PPP1R9A: variants seen among roughly 807,000 people sequenced by gnomAD.
PPP1R9A encodes neurabin-1.
In PPP1R9A, 59 loss-of-function variants were observed where a neutral mutation model predicts 141.9. The ratio of observed to expected loss-of-function variants is 0.42; its 90% CI spans 0.34 to 0.52. The LOEUF (loss-of-function observed/expected upper bound fraction) is 0.52, where lower values mean the gene tolerates loss of function less well. Among genes scored for constraint, PPP1R9A ranks in the 20% least tolerant of loss-of-function variants. The pLI, the probability that PPP1R9A is intolerant of heterozygous loss-of-function variation, is 0.10. For synonymous variants in PPP1R9A, 500 were observed against 569.7 expected (o/e 0.88, Z 1.74); for missense variants, 1,444 against 1,611.9 (o/e 0.90, Z 1.78).
At chr7:95,001,566 G>A (rs1269400717) in intron 2 of PPP1R9A, among the ~76,000 whole-genome samples, 1 of 152,168 alleles carries the variant, frequency 6.6e-6, no homozygotes. Context: ...TCCTTTATGA[G>A]GAGAATAAAA....
At chr7:95,016,265 A>AG (rs2151670015) in intron 2 of PPP1R9A, among the ~76,000 whole-genome samples, 1 of 152,260 alleles carries the variant, frequency 6.6e-6, no homozygotes, top group African/African-American at 2.4e-5. Context: ...AGGAATGAAA[A>AG]GGGGGATATA....
intron 5 of PPP1R9A, among the ~76,000 whole-genome samples, chr7:95,183,087 T>G (rs546864515): frequency 1.3e-5 from 2 of 152,292 alleles, no homozygotes; most frequent in South Asian, 4.1e-4. Context: ...GGCAATTTTT[T>G]TTTTTAAGAA....
Position 95,052,841 on chromosome 7 carries a change from C to T in PPP1R9A, c.1396-58418C>T, listed in dbSNP as rs139903488. On this transcript the variant is annotated intron_variant, in intron 2 of 19. Transcript: ENST00000433360. ...TTCTGTTTCCCTCACCTTATGTGTC[C>T]GGTCAGTTGCCAAGTGCCATCAATT... Among the ~76,000 whole-genome samples the T allele has an allele frequency of 5.5e-3, 835 of 152,250 alleles. 10 individuals carry two copies. The highest frequency in any genetic ancestry group is 0.019 in the African/African-American group (792 of 41,552).
intron 2 of PPP1R9A, among the ~76,000 whole-genome samples, chr7:95,022,332 G>A (rs191946746): frequency 1.3e-5 from 2 of 152,232 alleles, no homozygotes; most frequent in East Asian, 3.9e-4. Flanking sequence ...TTTATCCTGA[G>A]ACTTTGCTCA....
chr7:95,072,887 T>G (rs1273154352), intron 2 of PPP1R9A, among the ~76,000 whole-genome samples: 1 of 116,900 alleles, frequency 8.6e-6, no homozygotes, highest in African/African-American at 3.4e-5. Flanking sequence ...TTATATAATA[T>G]ACCATATATA....
At chr7:94,929,591 G>A (rs928755907) in intron 2 of PPP1R9A, among the ~76,000 whole-genome samples, 2 of 152,178 alleles carry the variant, frequency 1.3e-5, no homozygotes, top group Non-Finnish European at 2.9e-5. Flanking sequence ...GTTGGTACAT[G>A]TTAAGGCAAG....
chr7:95,040,536 C>A (rs1051462792), intron 2 of PPP1R9A, among the ~76,000 whole-genome samples: 3 of 152,068 alleles, frequency 2.0e-5, no homozygotes, highest in Non-Finnish European at 4.4e-5. Flanking sequence ...GGATGTACTC[C>A]TGTTGCCCAC....
At chr7:95,160,901 C>A (rs1830383117) in intron 4 of PPP1R9A, among the ~76,000 whole-genome samples, 1 of 152,128 alleles carries the variant, frequency 6.6e-6, no homozygotes, top group Non-Finnish European at 1.5e-5. Context: ...GTATATCTAC[C>A]ACAGTTTCTT....
chr7:95,094,330 T>C (rs1428943467), intron 2 of PPP1R9A, among the ~76,000 whole-genome samples: 1 of 152,154 alleles, frequency 6.6e-6, no homozygotes, highest in Non-Finnish European at 1.5e-5. Flanking sequence ...TAATACTTGC[T>C]CATTATACAG....
intron 4 of PPP1R9A, 55 bp downstream of exon 4, chr7:95,120,887 G>A (rs1055125341): frequency 5.9e-6 from 9 of 1,529,266 alleles, no homozygotes; most frequent in Non-Finnish European, 7.9e-6. Context: ...TTTCCTGGAA[G>A]TTTCCTTCAG....
In PPP1R9A at chr7:95,122,441, C is replaced by T. The variant is rs1206087761; in HGVS notation, c.1649+1609C>T. ...GGATTACGGGTGTGAGCCACCTTGCCTGGCCCATTGTTTCTGTTTTAATCC... is the reference window on the plus strand; with the variant it reads ...GGATTACGGGTGTGAGCCACCTTGCTTGGCCCATTGTTTCTGTTTTAATCC... On this transcript the variant is annotated intron_variant, in intron 4 of 19. Transcript: ENST00000433360. 3.3e-5 allele frequency among the ~76,000 whole-genome samples: 5 copies of T among 152,170 alleles called. No individual in the cohort carries two copies. The East Asian group carries it at 9.6e-4, about 29-fold the overall frequency.
intron 4 of PPP1R9A, among the ~76,000 whole-genome samples, chr7:95,129,894 CA>C (rs1207181696): frequency 6.6e-6 from 1 of 152,108 alleles, no homozygotes; most frequent in Non-Finnish European, 1.5e-5. Context: ...TTCTAAGCAG[CA>C]AAGGCTTCAA....
chr7:95,113,319 C>T (rs1820899352), intron 3 of PPP1R9A, among the ~76,000 whole-genome samples: 1 of 152,008 alleles, frequency 6.6e-6, no homozygotes, highest in Admixed American at 6.6e-5. Flanking sequence ...AGAAAAACGA[C>T]AATGGAGAAG....
chr7:95,023,360 C>A (rs1806284796), intron 2 of PPP1R9A, among the ~76,000 whole-genome samples: 1 of 151,246 alleles, frequency 6.6e-6, no homozygotes, highest in Non-Finnish European at 1.5e-5. Context: ...CTATTTGATT[C>A]TTCTCTCTTT....
At chr7:95,283,534 A>C (rs1563559359) in intron 16 of PPP1R9A, among the ~76,000 whole-genome samples, 1 of 152,160 alleles carries the variant, frequency 6.6e-6, no homozygotes, top group African/African-American at 2.4e-5. Context: ...GTTCCACCTA[A>C]AGTATTTTGA....
chr7:95,033,148 G>A (rs1807918330), intron 2 of PPP1R9A, among the ~76,000 whole-genome samples: 1 of 149,490 alleles, frequency 6.7e-6, no homozygotes, highest in Non-Finnish European at 1.5e-5. Flanking sequence ...GGAACTACAG[G>A]CACCCGCCAC....
At chr7:94,938,680 T>C (rs1163880604) in intron 2 of PPP1R9A, among the ~76,000 whole-genome samples, 3 of 152,196 alleles carry the variant, frequency 2.0e-5, no homozygotes, top group Admixed American at 2.0e-4. Context: ...GTCCTGGCTC[T>C]CATCTTTCTT....
At chr7:95,175,969 T>C (rs772543001) in intron 5 of PPP1R9A, among the ~76,000 whole-genome samples, 1 of 151,998 alleles carries the variant, frequency 6.6e-6, no homozygotes, top group Non-Finnish European at 1.5e-5. Context: ...CAGGACTAGA[T>C]TGCAGCTCTG....
At chr7:94,963,091 GT>G (rs1414273012) in intron 2 of PPP1R9A, among the ~76,000 whole-genome samples, 23 of 152,122 alleles carry the variant, frequency 1.5e-4, no homozygotes, top group South Asian at 4.2e-4. Context: ...AGGCATTTGG[GT>G]TTATGAAACC....
Sources: allele counts gnomAD v4.1 joint callset (sites outside exome capture counted in the v4.1 genomes callset), GRCh38; gene constraint gnomAD v4.1.1; transcripts MANE v1.5; gene names NCBI Gene and HGNC (gene_info 2026-07-23, HGNC 2026-07-21).